MAP1B: variants seen among roughly 807,000 people sequenced by gnomAD.
MAP1B encodes microtubule-associated protein 1B.
MAP1B carries 12 observed loss-of-function variants against 176.1 expected under a neutral mutation model. The observed-to-expected ratio is 0.07, with a 90% CI of 0.04 to 0.11. The LOEUF is 0.11. MAP1B is among the 10% of genes least tolerant of loss of function. MAP1B has a pLI of 1.00. For synonymous variants in MAP1B, 1,044 were observed against 1,135.0 expected (o/e 0.92, Z 1.61); for missense variants, 2,523 against 2,990.5 (o/e 0.84, Z 3.65).
At chr5:72,174,249 C>T (rs2112198237) in intron 2 of MAP1B, among the ~76,000 whole-genome samples, 1 of 152,256 alleles carries the variant, frequency 6.6e-6, no homozygotes, top group African/African-American at 2.4e-5. Flanking sequence ...TTCTATTTGT[C>T]CATCTATAAA....
At position 72,107,545 on chromosome 5, in the gene MAP1B, T is replaced by C. The variant is rs1745102587; in HGVS notation, c.14T>C (p.Val5Ala). Residue 5 changes from valine (V) to alanine (A), a missense_variant, in exon 1 of 7, where the codon GTG becomes GCG. By Grantham distance (64) the Val-to-Ala change is moderately conservative. This residue lies in a region of MAP1B where 307 missense variants were observed against 438.4 expected (regional missense o/e 0.70). Transcript: ENST00000296755. The part of the protein sequence containing the change: MATV[V>A]VEATEPEPSG... ...GCAGCCGGCAGGATGGCGACCGTGG[T>C]GGTGGAAGCCACCGAGCCGGAGCCG... The C allele has an allele frequency of 2.5e-6, 4 of 1,571,206 alleles. No homozygotes were observed. Among genetic ancestry groups the C allele is most frequent in the Non-Finnish European group, 2.6e-6 (3 of 1,163,522 alleles).
rs1194157740 is a variant in MAP1B, at chr5:72,194,554, G to T, written c.1199G>T (p.Arg400Ile). The T allele has an allele frequency of 3.7e-6, 6 of 1,614,000 alleles. No individual in the cohort carries two copies. The highest frequency in any genetic ancestry group is 5.1e-6 in the Non-Finnish European group (6 of 1,180,048). Residue 400 changes from arginine (R) to isoleucine (I), a missense_variant, in exon 5 of 7, where the codon AGA (arginine) becomes ATA (isoleucine). Arg to Ile is a moderately conservative substitution (Grantham distance 97, BLOSUM62 -3). Transcript: ENST00000296755. This position sits in a 1 kb window ranked among gnomAD's most constrained non-coding sequence, Gnocchi z 7.2. Reference protein sequence around the residue: ...KLSMKPEPLFRSVGNTIDPVI... With the variant: ...KLSMKPEPLFISVGNTIDPVI... ...TCCATGAAACCAGAACCTCTGTTTA[G>T]AAGTGTAGGCAATACTATTGATCCT...
chr5:72,172,529 T>C (rs1746566960), intron 2 of MAP1B, among the ~76,000 whole-genome samples: 1 of 152,222 alleles, frequency 6.6e-6, no homozygotes. Context: ...GTTTGATGAT[T>C]TGGTTTGATA....
At chr5:72,170,091 T>G (rs1391928995) in intron 2 of MAP1B, among the ~76,000 whole-genome samples, 1 of 152,204 alleles carries the variant, frequency 6.6e-6, no homozygotes, top group African/African-American at 2.4e-5. Context: ...TACTAAAAAT[T>G]TAGATTCCTG....
In MAP1B at chr5:72,204,157, G is replaced by A. The variant is rs1309353506; in HGVS notation, c.7251+356G>A. Among the ~76,000 whole-genome samples, 1 of 152,186 alleles carries A rather than the reference G, an allele frequency of 6.6e-6. No individual in the cohort carries two copies. Among genetic ancestry groups the A allele is most frequent in the African/African-American group, 2.4e-5 (1 of 41,436 alleles). ...GTCATATTTCCATATGAGAGCTCCT[G>A]AGGAATTGCCTTTCTTCCTTTGTGT... On this transcript the variant is annotated intron_variant, in intron 6 of 6. Transcript: ENST00000296755. The surrounding 1 kb of genome is among the most constrained non-coding windows in gnomAD (Gnocchi z 4.4).
chr5:72,136,210 A>G (rs558584076), intron 2 of MAP1B, among the ~76,000 whole-genome samples: 1 of 152,286 alleles, frequency 6.6e-6, no homozygotes. Context: ...TCCTGAACCT[A>G]TGGAATATTG....
chr5:72,151,316 A>T (rs73761727), intron 2 of MAP1B, among the ~76,000 whole-genome samples: 9 of 152,182 alleles, frequency 5.9e-5, no homozygotes, highest in East Asian at 5.8e-4. Context: ...TGCCCCCATG[A>T]CCCAGACCCC....
At chr5:72,152,381 G>A (rs947615939) in intron 2 of MAP1B, among the ~76,000 whole-genome samples, 1 of 152,200 alleles carries the variant, frequency 6.6e-6, no homozygotes, top group African/African-American at 2.4e-5. Flanking sequence ...TATGTGGACT[G>A]ACACCAGGTC....
intron 2 of MAP1B, among the ~76,000 whole-genome samples, chr5:72,139,501 A>C (rs989495541): frequency 3.3e-5 from 5 of 152,212 alleles, no homozygotes; most frequent in African/African-American, 1.2e-4. Flanking sequence ...GGTAAGATGT[A>C]AGTCTCCGGG....
rs1561313774 is a variant in MAP1B, at chr5:72,195,099, A to G, written c.1744A>G (p.Ser582Gly). ...CGTGGAAAAGCCACCCAAAGTTGAA[A>G]GCAAAGAAAAGGTAATGGTGAAAAA... ...NHVEKPPKVE[S>G]KEKVMVKKDK... The change falls in exon 5 of 7, where the codon AGC (serine) becomes GGC (glycine). Residue 582 changes from serine (S) to glycine (G), a missense_variant. Coordinates refer to ENST00000296755, the MANE Select transcript of MAP1B (RefSeq NM_005909.5). The G allele has an allele frequency of 6.2e-7, 1 of 1,613,872 alleles. No individual in the cohort carries two copies. Among genetic ancestry groups the G allele is most frequent in the South Asian group, 1.1e-5 (1 of 91,060 alleles).
At chr5:72,178,539 G>C (rs952023060) in intron 2 of MAP1B, among the ~76,000 whole-genome samples, 1 of 152,200 alleles carries the variant, frequency 6.6e-6, no homozygotes, top group Non-Finnish European at 1.5e-5. Flanking sequence ...GGCAGAGATG[G>C]GGACAGGACG....
At chr5:72,159,927 G>A (rs3098388) in intron 2 of MAP1B, among the ~76,000 whole-genome samples, 113,534 of 151,994 alleles carry the variant, frequency 0.75, 44,001 homozygotes, top group South Asian at 0.92. Context: ...TAAAGAGTGG[G>A]GGCTTCATCA....
intron 2 of MAP1B, among the ~76,000 whole-genome samples, chr5:72,176,648 A>T (rs1746659219): frequency 6.6e-6 from 1 of 152,208 alleles, no homozygotes; most frequent in African/African-American, 2.4e-5. Context: ...AGATTTTGTC[A>T]CTACCCATTT....
intron 2 of MAP1B, among the ~76,000 whole-genome samples, chr5:72,150,524 AG>A (rs1746121507): frequency 6.6e-6 from 1 of 152,210 alleles, no homozygotes; most frequent in South Asian, 2.1e-4. Flanking sequence ...TTTTAAGTTC[AG>A]GGTACAAATG....
At chr5:72,134,444 G>C (rs904616306) in intron 2 of MAP1B, among the ~76,000 whole-genome samples, 2 of 152,176 alleles carry the variant, frequency 1.3e-5, no homozygotes, top group Non-Finnish European at 2.9e-5. Flanking sequence ...GCTTCTAGGG[G>C]ATGATGTCAT....
rs144843436 is a variant in MAP1B at position 72,196,351 on chromosome 5, G to A, written c.2996G>A (p.Arg999Gln). The A allele has an allele frequency of 1.6e-5, 26 of 1,613,950 alleles. No homozygotes were observed. Among genetic ancestry groups the A allele is most frequent in the African/African-American group, 8.0e-5 (6 of 74,872 alleles). ...GAGTCTGTGGCCAGTGGGGATGACCGAGCCGAAGAAGACATGGATGAGGCC... is the reference window on the plus strand; with the variant it reads ...GAGTCTGTGGCCAGTGGGGATGACCAAGCCGAAGAAGACATGGATGAGGCC... Reference protein sequence around the residue: ...KRESVASGDDRAEEDMDEAIE... With the variant: ...KRESVASGDDQAEEDMDEAIE... Residue 999 changes from arginine to glutamine, a missense_variant, in exon 5 of 7, where the codon CGA becomes CAA. Arg to Gln is a conservative substitution (Grantham distance 43). Around this residue, in one of 4 missense-constraint regions of MAP1B, gnomAD observed 1,925 missense variants for 2,126.0 expected, o/e 0.91. Coordinates refer to ENST00000296755, the MANE Select transcript of MAP1B (RefSeq NM_005909.5). The surrounding 1 kb of genome is among the most constrained non-coding windows in gnomAD (Gnocchi z 5.3).
chr5:72,174,627 C>T (rs925714791), intron 2 of MAP1B, among the ~76,000 whole-genome samples: 11 of 152,214 alleles, frequency 7.2e-5, no homozygotes, highest in Non-Finnish European at 1.5e-4. Context: ...GGACCCCTTA[C>T]ATTTTACATG....
chr5:72,161,872 GC>G (rs1746329392), intron 2 of MAP1B, among the ~76,000 whole-genome samples: 2 of 148,028 alleles, frequency 1.4e-5, no homozygotes, highest in South Asian at 4.2e-4. Context: ...CAGGAGAATT[GC>G]TTGAACCCGG....
Position 72,207,813 on chromosome 5 carries a change from C to A in MAP1B, c.*2574C>A, listed in dbSNP as rs1747484984. ...AGACCTCTGGTTGATTTTTCTTTGA[C>A]AGAAGATGCAAGTTATTTTCCAATT... On this transcript the variant is annotated 3_prime_UTR_variant, in exon 7 of 7. Transcript: ENST00000296755. The A allele has an allele frequency of 6.6e-6, 1 of 152,140 alleles. No homozygotes were observed. The highest frequency in any genetic ancestry group is 2.4e-5 in the African/African-American group (1 of 41,414). 9.4% of individuals were successfully genotyped at this position (152,140 alleles called of 1,614,324 possible). A position where few individuals can be genotyped will look rare whatever the true frequency, so the allele number is the denominator to read the frequency against.
Sources: gnomAD v4.1 joint callset for allele counts (sites outside exome capture counted in the v4.1 genomes callset) on GRCh38, gnomAD v4.1.1 for gene constraint, gnomAD v4.1.1 regional missense constraint, Gnocchi (gnomAD v3.1) non-coding constraint, MANE v1.5 for transcripts, NCBI Gene and HGNC (gene_info 2026-07-23, HGNC 2026-07-21) for gene names.